Variants in PDPR observed in about 807,000 individuals in gnomAD.
PDPR encodes the protein pyruvate dehydrogenase phosphatase regulatory subunit.
In PDPR, 50 loss-of-function variants were observed where a neutral mutation model predicts 102.2. The ratio of observed to expected loss-of-function variants is 0.49; its 90% CI spans 0.39 to 0.62. The LOEUF is 0.62. Among genes scored for constraint, PDPR ranks in the 20% least tolerant of loss-of-function variants. PDPR has a pLI of 0.00. For missense variants in PDPR, 625 were observed against 1,098.2 expected (o/e 0.57, Z 6.09); for synonymous variants, 259 against 406.0 (o/e 0.64, Z 4.35).
At chr16:70,123,638 G>A (rs1963592863) in intron 3 of PDPR, among the ~76,000 whole-genome samples, 1 of 152,272 alleles carries the variant, frequency 6.6e-6, no homozygotes, top group South Asian at 2.1e-4. Context: ...ACTAATCGCA[G>A]TGTAAATGTT....
chr16:70,134,391 A>G (rs1964880576), intron 9 of PDPR, among the ~76,000 whole-genome samples: 1 of 151,942 alleles, frequency 6.6e-6, no homozygotes, highest in South Asian at 2.1e-4. Flanking sequence ...ACGCAGAGCC[A>G]GTTTTTGTGT....
In PDPR at chr16:70,156,473, AG is replaced by A; in HGVS notation, c.2237del. On this transcript the variant is annotated splice_acceptor_variant, in intron 18 of 18. Transcript: ENST00000288050. LOFTEE classifies it high-confidence loss of function. ...TGACTCGGCGTTTCCTTTCTTTCTT[AG>A]GGCATGGATTTCATTGGTCGCGACG... 6.2e-7 allele frequency: 1 copy of A among 1,612,444 alleles called. No homozygotes were observed. Among genetic ancestry groups the A allele is most frequent in the Non-Finnish European group, 8.5e-7 (1 of 1,178,788 alleles).
intron 3 of PDPR, among the ~76,000 whole-genome samples, chr16:70,125,117 C>T (rs1291346051): frequency 3.9e-5 from 6 of 152,142 alleles, no homozygotes; most frequent in Non-Finnish European, 5.9e-5. Context: ...TGGCTTATGC[C>T]GGTAATCCCA....
chr16:70,146,740 T>C (rs1342670739), intron 16 of PDPR, among the ~76,000 whole-genome samples: 1 of 22,406 alleles, frequency 4.5e-5, no homozygotes, highest in Admixed American at 6.3e-4. Context: ...TGGTGGCGCA[T>C]GCCTGTGGTC....
At chr16:70,155,276 T>C (rs1417370452) in intron 18 of PDPR, among the ~76,000 whole-genome samples, 1 of 152,246 alleles carries the variant, frequency 6.6e-6, no homozygotes, top group Non-Finnish European at 1.5e-5. Flanking sequence ...TTAATGGTAG[T>C]AACTATTTTT....
rs1054600385 is a variant in PDPR, at chr16:70,158,503, C to T, written c.*1624C>T. 6.5e-6 allele frequency: 1 copy of T among 153,272 alleles called. No homozygotes were observed. The highest frequency in any genetic ancestry group is 2.4e-5 in the African/African-American group (1 of 41,482). 9.5% of individuals were successfully genotyped at this position (153,272 alleles called of 1,614,324 possible). A position where few individuals can be genotyped will look rare whatever the true frequency, so the allele number is the denominator to read the frequency against. On this transcript the variant is annotated 3_prime_UTR_variant, in exon 19 of 19. Transcript: ENST00000288050. Reference sequence around the variant, plus strand: ...CCCACTTACGCTGGCTCCTTCTAGACATTTCTTGCCACTTCCCCAACTAGA... The same window carrying T: ...CCCACTTACGCTGGCTCCTTCTAGATATTTCTTGCCACTTCCCCAACTAGA...
Position 70,162,198 on chromosome 16 carries a change from T to C in PDPR, c.*5319T>C, listed in dbSNP as rs542354362. On this transcript the variant is annotated 3_prime_UTR_variant, in exon 19 of 19. Transcript: ENST00000288050. ...TGTTCTAGCAGCTCAGTTAACACTTTACTCTCCAGTCAACACTTGGGACAT... is the reference window on the plus strand; with the variant it reads ...TGTTCTAGCAGCTCAGTTAACACTTCACTCTCCAGTCAACACTTGGGACAT... 6 of 152,632 alleles carry C rather than the reference T, an allele frequency of 3.9e-5. No individual in the cohort carries two copies. Among genetic ancestry groups the C allele is most frequent in the African/African-American group, 9.6e-5 (4 of 41,596 alleles). 9.5% of individuals were successfully genotyped at this position (152,632 alleles called of 1,614,324 possible).
intron 11 of PDPR, among the ~76,000 whole-genome samples, chr16:70,141,911 C>CCAA (rs1567547741): frequency 1.3e-5 from 2 of 152,266 alleles, no homozygotes; most frequent in African/African-American, 2.4e-5. Context: ...ACCAGCCTGA[C>CCAA]CAACATGGAG....
At chr16:70,137,554 C>G (rs1049466514) in intron 10 of PDPR, among the ~76,000 whole-genome samples, 2 of 152,230 alleles carry the variant, frequency 1.3e-5, no homozygotes, top group African/African-American at 4.8e-5. Flanking sequence ...TCCAGAAATG[C>G]AAGAGGAAAA....
intron 17 of PDPR, 75 bp from the exon 18 acceptor site, chr16:70,153,316 A>G (rs1480534275): frequency 6.9e-6 from 10 of 1,444,590 alleles, no homozygotes; most frequent in Non-Finnish European, 9.4e-6. Context: ...AGTGTGAGCC[A>G]TCAGCGCTTC....
intron 17 of PDPR, among the ~76,000 whole-genome samples, chr16:70,152,257 G>A (rs1289957967): frequency 3.3e-5 from 5 of 152,396 alleles, no homozygotes; most frequent in African/African-American, 1.2e-4. Context: ...GGTGGCTCAT[G>A]TCTGTAATCC....
chr16:70,123,319 C>G (rs1307773227), intron 3 of PDPR, among the ~76,000 whole-genome samples: 3 of 152,264 alleles, frequency 2.0e-5, no homozygotes, highest in African/African-American at 7.2e-5. Context: ...TCACTACAAC[C>G]TCTGCCTCCT....
intron 17 of PDPR, among the ~76,000 whole-genome samples, chr16:70,150,835 A>G (rs1966677748): frequency 6.6e-6 from 1 of 152,250 alleles, no homozygotes; most frequent in Non-Finnish European, 1.5e-5. Context: ...TTTTTAGTGC[A>G]GTGGGATGAT....
At position 70,160,706 on chromosome 16, in the gene PDPR, G is replaced by A. The variant is rs8059355; in HGVS notation, c.*3827G>A. 0.049 allele frequency: 7,228 copies of A among 148,194 alleles called. No homozygotes were observed. Among genetic ancestry groups the A allele is most frequent in the African/African-American group, 0.077 (3,100 of 40,502 alleles). 9.2% of individuals were successfully genotyped at this position (148,194 alleles called of 1,614,324 possible). On this transcript the variant is annotated 3_prime_UTR_variant, in exon 19 of 19. Transcript: ENST00000288050. ...CAAGAAAGTAACTAAAACATGAAAAGTAAACCTCCAGCTTCCACAGTATAT... is the reference window on the plus strand; with the variant it reads ...CAAGAAAGTAACTAAAACATGAAAAATAAACCTCCAGCTTCCACAGTATAT...
intron 3 of PDPR, among the ~76,000 whole-genome samples, chr16:70,125,180 C>T (rs577157297): frequency 6.6e-6 from 1 of 152,246 alleles, no homozygotes. Context: ...AATTCGAAAC[C>T]AGCCTGGCCA....
chr16:70,138,342 C>T (rs545628239), intron 10 of PDPR, among the ~76,000 whole-genome samples: 4 of 152,082 alleles, frequency 2.6e-5, no homozygotes, highest in Non-Finnish European at 5.9e-5. Context: ...CCTCAGCCTC[C>T]GTAGTAGCTG....
At position 70,126,726 on chromosome 16, in the gene PDPR, A is replaced by G. The variant is rs1195441617; in HGVS notation, c.228-534A>G. Among the ~76,000 whole-genome samples the G allele has an allele frequency of 3.3e-5, 5 of 152,204 alleles. No homozygotes were observed. In the South Asian group the frequency reaches 6.2e-4, roughly 19 times the overall value. ...TTTTTGGTAGAGACACAGTCTGGCT[A>G]TGTTGCCCAGGCCAGTCTTGAACTC... is the stretch of plus-strand genomic sequence containing the variant. On this transcript the variant is annotated intron_variant, in intron 3 of 18. Coordinates refer to ENST00000288050, the MANE Select transcript of PDPR (RefSeq NM_017990.5).
chr16:70,120,831 G>A (rs1293192301), intron 3 of PDPR, 112 bp downstream of exon 3: 2 of 694,238 alleles, frequency 2.9e-6, no homozygotes, highest in African/African-American at 3.6e-5. Context: ...TTGCTAAGTA[G>A]CATGAGAAGA....
intron 18 of PDPR, among the ~76,000 whole-genome samples, chr16:70,154,061 C>G (rs1368449062): frequency 6.6e-6 from 1 of 152,250 alleles, no homozygotes; most frequent in African/African-American, 2.4e-5. Context: ...CGCCTATAGT[C>G]AGGAGAATGG....
Sources: allele counts gnomAD v4.1 joint callset (sites outside exome capture counted in the v4.1 genomes callset), GRCh38; gene constraint gnomAD v4.1.1; transcripts MANE v1.5; gene names NCBI Gene and HGNC (gene_info 2026-07-23, HGNC 2026-07-21).